SUFU: variants seen among roughly 807,000 people sequenced by gnomAD.
The protein encoded by SUFU is suppressor of fused homolog.
Under a neutral mutation model 58.9 loss-of-function variants are expected in SUFU, and 7 were observed. The observed-to-expected ratio is 0.12, with a 90% CI of 0.07 to 0.22. The LOEUF (loss-of-function observed/expected upper bound fraction) is 0.22. SUFU is among the 10% of genes least tolerant of loss of function. The probability of loss-of-function intolerance (pLI) is 1.00; values close to 1 mark genes in which losing one functional copy is unlikely to be tolerated. For synonymous variants in SUFU, 232 were observed against 254.8 expected (o/e 0.91, Z 0.85); for missense variants, 451 against 641.3 (o/e 0.70, Z 3.20).
Position 102,630,392 on chromosome 10 carries a change from G to C in SUFU, c.*237G>C. 1.7e-6 allele frequency: 1 copy of C among 572,302 alleles called. No homozygotes were observed. Among genetic ancestry groups the C allele is most frequent in the Non-Finnish European group, 3.1e-6 (1 of 318,990 alleles). 35.5% of individuals were successfully genotyped at this position (572,302 alleles called of 1,614,324 possible). ...AAGCCTTGTGACCCATCAGGCCAGTGAGTGGGCAAATGCGGACCCTCCCTG... is the reference window on the plus strand; with the variant it reads ...AAGCCTTGTGACCCATCAGGCCAGTCAGTGGGCAAATGCGGACCCTCCCTG... On this transcript the variant is annotated 3_prime_UTR_variant, in exon 12 of 12. Coordinates refer to ENST00000369902, the MANE Select transcript of SUFU (RefSeq NM_016169.4).
intron 3 of SUFU, chr10:102,579,886 CTTCTA>C: frequency 1.0e-6 from 1 of 984,732 alleles, no homozygotes; most frequent in East Asian, 1.1e-4. Flanking sequence ...TTAATTCTTG[CTTCTA>C]CCACATGACC....
intron 10 of SUFU, among the ~76,000 whole-genome samples, chr10:102,620,810 C>T (rs562071443): frequency 6.6e-6 from 1 of 152,302 alleles, no homozygotes; most frequent in African/African-American, 2.4e-5. Flanking sequence ...GGGAGCCCGG[C>T]CCAGAGCTGA....
At chr10:102,622,991 CAAAAAAAAAAAAA>C (rs60442672) in intron 10 of SUFU, among the ~76,000 whole-genome samples, 1 of 58,374 alleles carries the variant, frequency 1.7e-5, no homozygotes, top group South Asian at 7.1e-4. Flanking sequence ...AACTCCGTCT[CAAAAAAAAAAAAA>C]AAAAAAAAAA....
At chr10:102,531,959 C>CTT (rs112325593) in intron 2 of SUFU, among the ~76,000 whole-genome samples, 44 of 146,918 alleles carry the variant, frequency 3.0e-4, no homozygotes, top group African/African-American at 4.8e-4. Context: ...CCTGTGAGAA[C>CTT]TTTTTTTTTT....
rs1239232574 is a variant in SUFU, at chr10:102,593,734, G to A, written c.683+13G>A. 4 of 1,613,806 alleles carry A rather than the reference G, an allele frequency of 2.5e-6. No individual in the cohort carries two copies. In the East Asian group the frequency reaches 8.9e-5, roughly 36 times the overall value. ...GGACAGTGCCTATGTGAGTACCCAT[G>A]CAAGGTGGGAGCGCGGCTCCCTGGG... On this transcript the variant is annotated intron_variant, in intron 5 of 11. Coordinates refer to ENST00000369902, the MANE Select transcript of SUFU (RefSeq NM_016169.4).
intron 8 of SUFU, among the ~76,000 whole-genome samples, chr10:102,600,094 C>T (rs941045241): frequency 4.6e-5 from 7 of 152,264 alleles, no homozygotes; most frequent in Admixed American, 2.6e-4. Flanking sequence ...TGTAGCCCTC[C>T]GGAGAGACTG....
intron 10 of SUFU, among the ~76,000 whole-genome samples, chr10:102,626,785 C>A (rs886850414): frequency 1.3e-5 from 2 of 152,188 alleles, no homozygotes; most frequent in African/African-American, 4.8e-5. Flanking sequence ...ACACTAGAGC[C>A]TGACTGGGCA....
At chr10:102,578,779 G>A (rs936704674) in intron 3 of SUFU, among the ~76,000 whole-genome samples, 1 of 151,932 alleles carries the variant, frequency 6.6e-6, no homozygotes, top group African/African-American at 2.4e-5. Flanking sequence ...GCTGAGGCAC[G>A]AGACTTGCCT....
In SUFU at chr10:102,504,379, G is replaced by A. The variant is rs778641121; in HGVS notation, c.182+45G>A. The A allele has an allele frequency of 5.0e-6, 8 of 1,608,618 alleles. No individual in the cohort carries two copies. In the African/African-American group the frequency reaches 8.0e-5, roughly 16 times the overall value. ...GAGACGGACAGGCGCGGGCTGGAAA[G>A]GGTTAAAGCGCCGAGGGCGAAGTAA... On this transcript the variant is annotated intron_variant, in intron 1 of 11. Coordinates refer to ENST00000369902, the MANE Select transcript of SUFU (RefSeq NM_016169.4).
chr10:102,582,860 C>G (rs1284316041), intron 3 of SUFU, among the ~76,000 whole-genome samples: 1 of 152,208 alleles, frequency 6.6e-6, no homozygotes, highest in Admixed American at 6.5e-5. Flanking sequence ...GACGTTCTTT[C>G]AGACACTGGG....
At chr10:102,540,319 A>G (rs931126083) in intron 2 of SUFU, among the ~76,000 whole-genome samples, 2 of 152,146 alleles carry the variant, frequency 1.3e-5, no homozygotes, top group African/African-American at 4.8e-5. Flanking sequence ...TCTCTCTTAA[A>G]TACCATGAAT....
intron 8 of SUFU, among the ~76,000 whole-genome samples, chr10:102,602,568 G>T (rs766420271): frequency 9.2e-5 from 14 of 152,174 alleles, no homozygotes; most frequent in Non-Finnish European, 1.6e-4. Flanking sequence ...GTCATAATTG[G>T]CTCATTTATA....
rs1166697909 is a variant in SUFU, at chr10:102,590,141, CT to C, written c.455-2430del. On this transcript the variant is annotated intron_variant, in intron 3 of 11. Transcript: ENST00000369902. ...ATAACCACCTCCCCCCCGACTTTTT[CT>C]TTTTTTTTTTCTTTTTTCTTTTTTT... is the stretch of plus-strand genomic sequence containing the variant. Among the ~76,000 whole-genome samples the C allele has an allele frequency of 4.0e-3, 301 of 76,158 alleles. 2 individuals carry two copies. Among genetic ancestry groups the C allele is most frequent in the Admixed American group, 6.6e-3 (47 of 7,078 alleles). 50.0% of individuals were successfully genotyped at this position (76,158 alleles called of 152,430 possible).
At chr10:102,607,736 A>G (rs1447080347) in intron 8 of SUFU, among the ~76,000 whole-genome samples, 1 of 152,150 alleles carries the variant, frequency 6.6e-6, no homozygotes, top group Non-Finnish European at 1.5e-5. Flanking sequence ...CAACATGGTG[A>G]AACCCCGTCT....
chr10:102,509,384 G>T (rs2062371760), intron 2 of SUFU, 81 bp downstream of exon 2: 1 of 1,573,298 alleles, frequency 6.4e-7, no homozygotes, highest in Non-Finnish European at 8.7e-7. Flanking sequence ...TCATAGTGCT[G>T]TGAGCATGGT....
rs1439518689 is a variant in SUFU at position 102,615,379 on chromosome 10, A to G, written c.1134A>G (p.Gly378=). ...ATCTGAAATTCAACCAGGAGTCCGG[A>G]GCCCTCATTCCTCTCTGCCTAAGGT... ...SVHLKFNQES[G]ALIPLCLRGR... is the part of the protein sequence containing the mutation. The change falls in exon 9 of 12, where the codon GGA becomes GGG. Residue 378 remains glycine (G), a synonymous_variant. Transcript: ENST00000369902. The G allele has an allele frequency of 3.7e-6, 6 of 1,614,078 alleles. No individual in the cohort carries two copies. The highest frequency in any genetic ancestry group is 5.1e-6 in the Non-Finnish European group (6 of 1,179,980).
intron 8 of SUFU, among the ~76,000 whole-genome samples, chr10:102,603,621 C>A (rs897496366): frequency 6.6e-6 from 1 of 152,056 alleles, no homozygotes; most frequent in Non-Finnish European, 1.5e-5. Context: ...GCTTTTAAGA[C>A]CTTTAAAAAA....
rs1433264163 is a variant in SUFU, at chr10:102,503,991, G to C, written c.-162G>C. 3 of 1,068,022 alleles carry C rather than the reference G, an allele frequency of 2.8e-6. No homozygotes were observed. The highest frequency in any genetic ancestry group is 3.8e-6 in the Non-Finnish European group (3 of 797,370). The allele number at this position is 1,068,022 out of a possible 1,614,324, so 66.2% of individuals were successfully genotyped here. A position where few individuals can be genotyped will look rare whatever the true frequency, so the allele number is the denominator to read the frequency against. On this transcript the variant is annotated 5_prime_UTR_variant, in exon 1 of 12. Transcript: ENST00000369902. ...TCTGGCAGACTCGGCGGCGGCGACA[G>C]CCTGGGCGGACAGTGCGCCGTGCGC...
At chr10:102,540,683 T>C (rs1219568206) in intron 2 of SUFU, among the ~76,000 whole-genome samples, 2 of 151,048 alleles carry the variant, frequency 1.3e-5, no homozygotes, top group Admixed American at 6.6e-5. Flanking sequence ...AAATAAATAC[T>C]ATACCCGTGG....
Sources: gnomAD v4.1 joint callset for allele counts (sites outside exome capture counted in the v4.1 genomes callset) on GRCh38, gnomAD v4.1.1 for gene constraint, MANE v1.5 for transcripts, NCBI Gene and HGNC (gene_info 2026-07-23, HGNC 2026-07-21) for gene names.